Variants in DPP10 observed in about 807,000 individuals in gnomAD.
DPP10 encodes inactive dipeptidyl peptidase 10.
A neutral mutation model predicts 120.9 loss-of-function variants in DPP10; 33 were observed. That is an observed-to-expected ratio of 0.27 (90% CI 0.21 to 0.37). The LOEUF (loss-of-function observed/expected upper bound fraction) is 0.37, where lower values mean the gene tolerates loss of function less well. DPP10 is among the 10% of genes least tolerant of loss of function. DPP10 has a pLI of 1.00. For missense variants in DPP10, 816 were observed against 942.8 expected, an observed-to-expected ratio of 0.87 and a Z score of 1.76; for synonymous variants, 337 against 326.1, an observed-to-expected ratio of 1.03 and a Z score of -0.36.
At chr2:115,149,276 T>C (rs1279397338) in intron 1 of DPP10, among the ~76,000 whole-genome samples, 1 of 152,240 alleles carries the variant, frequency 6.6e-6, no homozygotes, top group Non-Finnish European at 1.5e-5. Flanking sequence ...AAAATGGTGA[T>C]ACTCTAATTC....
intron 1 of DPP10, among the ~76,000 whole-genome samples, chr2:115,222,545 A>G (rs2057228385): frequency 6.6e-6 from 1 of 152,122 alleles, no homozygotes; most frequent in Non-Finnish European, 1.5e-5. Flanking sequence ...ACCTTCTACC[A>G]TGATTGTGAG....
chr2:114,607,945 A>G (rs570597319), intron 1 of DPP10, among the ~76,000 whole-genome samples: 10 of 152,240 alleles, frequency 6.6e-5, no homozygotes, highest in Non-Finnish European at 1.3e-4. Context: ...AGGATTACAG[A>G]AGTTCTTATT....
chr2:115,078,054 T>G (rs2104477520), intron 1 of DPP10, among the ~76,000 whole-genome samples: 1 of 152,308 alleles, frequency 6.6e-6, no homozygotes, highest in African/African-American at 2.4e-5. Context: ...TAAAGAAAAC[T>G]TCTCTATCAT....
intron 1 of DPP10, among the ~76,000 whole-genome samples, chr2:115,121,953 A>G (rs1298376202): frequency 1.3e-5 from 2 of 152,146 alleles, no homozygotes; most frequent in Non-Finnish European, 2.9e-5. Flanking sequence ...ATTTGGGGGG[A>G]TCAAAATTTT....
intron 3 of DPP10, among the ~76,000 whole-genome samples, chr2:115,388,665 A>C (rs1378221893): frequency 6.6e-6 from 1 of 152,170 alleles, no homozygotes; most frequent in African/African-American, 2.4e-5. Context: ...AACTTTCCTG[A>C]TTATGTTGTT....
chr2:114,582,163 TC>T (rs1251510045), intron 1 of DPP10, among the ~76,000 whole-genome samples: 1 of 152,224 alleles, frequency 6.6e-6, no homozygotes, highest in African/African-American at 2.4e-5. Flanking sequence ...TTTTTATGTC[TC>T]CATAGTTTTG....
chr2:115,087,538 CT>C (rs56685721), intron 1 of DPP10, among the ~76,000 whole-genome samples: 21 of 99,234 alleles, frequency 2.1e-4, no homozygotes, highest in East Asian at 1.2e-3. Context: ...CTTTTCTTTT[CT>C]TTTTTTTTTT....
chr2:115,332,696 C>G (rs1012910959), intron 2 of DPP10, among the ~76,000 whole-genome samples: 1 of 152,172 alleles, frequency 6.6e-6, no homozygotes, highest in Non-Finnish European at 1.5e-5. Context: ...AGTAGTCATT[C>G]AGGAGCAGGT....
intron 1 of DPP10, among the ~76,000 whole-genome samples, chr2:115,194,632 C>T (rs1022843715): frequency 6.6e-6 from 1 of 152,134 alleles, no homozygotes; most frequent in Non-Finnish European, 1.5e-5. Flanking sequence ...AGGGGTTTGG[C>T]CCGTCTTGCG....
At chr2:115,800,695 C>T (rs891989343) in intron 19 of DPP10, among the ~76,000 whole-genome samples, 2 of 152,160 alleles carry the variant, frequency 1.3e-5, no homozygotes, top group African/African-American at 4.8e-5. Context: ...AATAGGGAAT[C>T]CTTTCCCCAT....
At chr2:115,831,973 T>C (rs1156863896) in intron 21 of DPP10, among the ~76,000 whole-genome samples, 2 of 152,194 alleles carry the variant, frequency 1.3e-5, no homozygotes, top group Admixed American at 6.5e-5. Context: ...AAATCAAAAG[T>C]AGCCTCTAAT....
At chr2:115,077,668 C>T (rs1707913783) in intron 1 of DPP10, among the ~76,000 whole-genome samples, 1 of 152,216 alleles carries the variant, frequency 6.6e-6, no homozygotes, top group Admixed American at 6.5e-5. Context: ...ACTTCTTTTT[C>T]CTGATTTTTG....
At chr2:114,464,168 G>T (rs1012281269) in intron 1 of DPP10, among the ~76,000 whole-genome samples, 1 of 152,156 alleles carries the variant, frequency 6.6e-6, no homozygotes, top group African/African-American at 2.4e-5. Flanking sequence ...TGCAACTTAT[G>T]GGGGATATGG....
At chr2:115,377,169 CAGTGT>C (rs1466919525) in intron 3 of DPP10, among the ~76,000 whole-genome samples, 1 of 152,094 alleles carries the variant, frequency 6.6e-6, no homozygotes, top group Admixed American at 6.5e-5. Flanking sequence ...GTCCCACCAA[CAGTGT>C]AAAAGTGTTC....
At chr2:114,461,256 C>A (rs1444870291) in intron 1 of DPP10, among the ~76,000 whole-genome samples, 1 of 152,134 alleles carries the variant, frequency 6.6e-6, no homozygotes, top group Admixed American at 6.6e-5. Context: ...GCTACCCCTG[C>A]GAGCCCCCAT....
intron 1 of DPP10, among the ~76,000 whole-genome samples, chr2:115,273,686 T>C (rs1460044456): frequency 4.6e-5 from 7 of 152,216 alleles, no homozygotes; most frequent in Admixed American, 3.9e-4. Flanking sequence ...CATAGGTGAC[T>C]GCCTTTTGAC....
intron 1 of DPP10, among the ~76,000 whole-genome samples, chr2:114,830,320 C>T (rs543407692): frequency 6.6e-6 from 1 of 152,024 alleles, no homozygotes; most frequent in African/African-American, 2.4e-5. Flanking sequence ...TTTGCTTTTC[C>T]CAAATAGTCA....
At chr2:115,658,559 G>A (rs1345352926) in intron 5 of DPP10, among the ~76,000 whole-genome samples, 1 of 151,998 alleles carries the variant, frequency 6.6e-6, no homozygotes, top group East Asian at 1.9e-4. Flanking sequence ...TCAATCACCA[G>A]GGAATAATTG....
At chr2:115,025,078 C>T (rs1380074563) in intron 1 of DPP10, among the ~76,000 whole-genome samples, 1 of 151,866 alleles carries the variant, frequency 6.6e-6, no homozygotes, top group African/African-American at 2.4e-5. Flanking sequence ...ACTATAGTCA[C>T]CTTAGTGAAC....
Sources: gnomAD v4.1 joint callset for allele counts (sites outside exome capture counted in the v4.1 genomes callset) on GRCh38, gnomAD v4.1.1 for gene constraint, MANE v1.5 for transcripts, NCBI Gene and HGNC (gene_info 2026-07-23, HGNC 2026-07-21) for gene names.